Variants in LENG1 observed in about 807,000 individuals in gnomAD.
LENG1 encodes the protein leukocyte receptor cluster member 1.
Under a neutral mutation model 28.8 loss-of-function variants are expected in LENG1, and 35 were observed. The ratio of observed to expected loss-of-function variants is 1.22; its 90% CI spans 0.93 to 1.61. The LOEUF (loss-of-function observed/expected upper bound fraction) is 1.61. LENG1 is among the 40% of genes most tolerant of loss of function. The pLI is 0.00. For synonymous variants in LENG1, 170 were observed against 140.6 expected (o/e 1.21, Z -1.48); for missense variants, 404 against 348.9 (o/e 1.16, Z -1.26).
chr19:54,157,830 T>G lies in LENG1; in HGVS notation c.312+452A>C, dbSNP rs546180532. Among the ~76,000 whole-genome samples, 7 of 152,086 alleles carry G rather than the reference T, an allele frequency of 4.6e-5. No individual in the cohort carries two copies. The South Asian group carries it at 1.5e-3, about 32-fold the overall frequency. ...AGCTTCCACCTCCTGGGTCAAGCGA[T>G]TCTCCTGCTTCAGCCTCCCTGGGAT... On this transcript the variant is annotated intron_variant, in intron 2 of 3. Coordinates refer to ENST00000222224, the MANE Select transcript of LENG1 (RefSeq NM_024316.3).
chr19:54,155,739 G>T lies in LENG1; in HGVS notation c.777C>A (p.Asp259Glu). ...PQLARRPRQQ[D>E]PHLTH ...TCAGGAGTCAGTGAGTAAGGTGAGG[G>T]TCCTGCTGGCGGGGGCGCCGGGCCA... The change falls in exon 4 of 4, where the codon GAC becomes GAA. Residue 259 changes from aspartate (D) to glutamate (E), a missense_variant. Transcript: ENST00000222224. The T allele has an allele frequency of 6.2e-7, 1 of 1,611,358 alleles. No individual in the cohort carries two copies.
Position 54,155,918 on chromosome 19 carries a change from G to T in LENG1, c.598C>A (p.Arg200=), listed in dbSNP as rs770445206. ...PKEPPSLDQL[R]AERLRREAAE... is the part of the protein sequence containing the mutation. ...GCTTCCCTCCGCAGACGTTCAGCTC[G>T]AAGCTGGTCCAGGGATGGAGGCCTG... is the stretch of plus-strand genomic sequence containing the variant. The change falls in exon 4 of 4, where the codon CGA becomes AGA. Residue 200 remains arginine, a synonymous_variant. Coordinates refer to ENST00000222224, the MANE Select transcript of LENG1 (RefSeq NM_024316.3). The T allele has an allele frequency of 2.9e-5, 46 of 1,610,824 alleles. No homozygotes were observed. The highest frequency in any genetic ancestry group is 3.6e-5 in the Non-Finnish European group (42 of 1,179,032).
chr19:54,155,829 A>G lies in LENG1; in HGVS notation c.687T>C (p.Gly229=), dbSNP rs774828454. The G allele has an allele frequency of 1.2e-6, 2 of 1,611,948 alleles. No individual in the cohort carries two copies. The highest frequency in any genetic ancestry group is 1.1e-5 in the South Asian group (1 of 90,814). Residue 229 remains glycine, a synonymous_variant, in exon 4 of 4, where the codon GGT becomes GGC. Coordinates refer to ENST00000222224, the MANE Select transcript of LENG1 (RefSeq NM_024316.3). ...ARVQGRALQE[G]QPEEDETDDR... ...CATCCGTCTCGTCTTCTTCCGGCTG[A>G]CCCTCCTGTAGTGCCCGGCCTTGGA...
In LENG1 at chr19:54,158,439, T is replaced by C. The variant is rs2075437252; in HGVS notation, c.155A>G (p.Lys52Arg). ...QQEARTEFLR[K>R]KARHQNSLPE... ...CAGTGAGTTCTGATGTCTGGCTTTCTTCCGTAGGAATTCTGTACGGGCCTG... is the reference window on the plus strand; with the variant it reads ...CAGTGAGTTCTGATGTCTGGCTTTCCTCCGTAGGAATTCTGTACGGGCCTG... The change falls in exon 2 of 4, where the codon AAG (lysine) becomes AGG (arginine). Residue 52 changes from lysine to arginine, a missense_variant. Lys to Arg is a conservative substitution (Grantham distance 26). Transcript: ENST00000222224. 1.2e-6 allele frequency: 2 copies of C among 1,614,174 alleles called. No homozygotes were observed. The highest frequency in any genetic ancestry group is 1.7e-6 in the Non-Finnish European group (2 of 1,180,006).
chr19:54,155,292 C>A lies in LENG1; in HGVS notation c.*429G>T, dbSNP rs778183066. 2 of 1,612,524 alleles carry A rather than the reference C, an allele frequency of 1.2e-6. No individual in the cohort carries two copies. Reference sequence around the variant, plus strand: ...CACCTCCTCGTCCACTCACTGACCGCCTTCTCCCCCGGCCAGGGCACCTAC... The same window carrying A: ...CACCTCCTCGTCCACTCACTGACCGACTTCTCCCCCGGCCAGGGCACCTAC... On this transcript the variant is annotated 3_prime_UTR_variant, in exon 4 of 4. Coordinates refer to ENST00000222224, the MANE Select transcript of LENG1 (RefSeq NM_024316.3).
intron 2 of LENG1, among the ~76,000 whole-genome samples, chr19:54,157,659 C>T (rs1324785978): frequency 6.7e-6 from 1 of 149,432 alleles, no homozygotes; most frequent in Non-Finnish European, 1.5e-5. Context: ...CGTGAGCCAC[C>T]ATGCACAGCC....
Position 54,158,467 on chromosome 19 carries a change from G to A in LENG1, c.133-6C>T. 6.2e-7 allele frequency: 1 copy of A among 1,612,334 alleles called. No individual in the cohort carries two copies. On this transcript the variant is annotated splice_region_variant and splice_polypyrimidine_tract_variant and intron_variant, in intron 1 of 3. Transcript: ENST00000222224. ...CGTAGGAATTCTGTACGGGCCTGGG[G>A]AGAAAGTTATAGGCAGGACATTCAG...
rs201836403 is a variant in LENG1, at chr19:54,155,412, G to C, written c.*309C>G. The C allele has an allele frequency of 1.9e-6, 3 of 1,578,322 alleles. No individual in the cohort carries two copies. The highest frequency in any genetic ancestry group is 2.6e-6 in the Non-Finnish European group (3 of 1,155,338). ...GAGGACCGGGACCTCCAGTGACACCGGCCCCTCCCTCTACCCACCCCCTTC... is the reference window on the plus strand; with the variant it reads ...GAGGACCGGGACCTCCAGTGACACCCGCCCCTCCCTCTACCCACCCCCTTC... On this transcript the variant is annotated 3_prime_UTR_variant, in exon 4 of 4. Transcript: ENST00000222224.
Position 54,158,338 on chromosome 19 carries a change from C to G in LENG1, c.256G>C (p.Gly86Arg). The change falls in exon 2 of 4, where the codon GGG becomes CGG. Residue 86 changes from glycine (G) to arginine (R), a missense_variant. Coordinates refer to ENST00000222224, the MANE Select transcript of LENG1 (RefSeq NM_024316.3). ...TTATTGCCTCTGATCACTCCTTTCC[C>G]TTCCTCCAGCAGCTCCCGAAACAGG... is the stretch of plus-strand genomic sequence containing the variant. ...VDLFRELLEE[G>R]KGVIRGNKEY... 6.2e-7 allele frequency: 1 copy of G among 1,614,192 alleles called. No homozygotes were observed. The highest frequency in any genetic ancestry group is 8.5e-7 in the Non-Finnish European group (1 of 1,180,028).
At chr19:54,158,222 T>G in intron 2 of LENG1, 60 bp downstream of exon 2, 2 of 1,474,874 alleles carry the variant, frequency 1.4e-6, no homozygotes, top group Non-Finnish European at 1.9e-6. Context: ...ATGGCTAAAG[T>G]GCCCCCTCCC....
chr19:54,156,747 G>A lies in LENG1; in HGVS notation c.575+16C>T. On this transcript the variant is annotated intron_variant, in intron 3 of 3. Coordinates refer to ENST00000222224, the MANE Select transcript of LENG1 (RefSeq NM_024316.3). ...GAAGGTCTGGGCCCTGGTCTGCCGA[G>A]GTGGGGTCTTCTTACTCCTTGGGTC... 1 of 1,600,976 alleles carries A rather than the reference G, an allele frequency of 6.2e-7. No homozygotes were observed.
At position 54,155,698 on chromosome 19, in the gene LENG1, C is replaced by T. The variant is rs983836567; in HGVS notation, c.*23G>A. The T allele has an allele frequency of 6.4e-7, 1 of 1,568,464 alleles. No homozygotes were observed. Among genetic ancestry groups the T allele is most frequent in the Non-Finnish European group, 8.7e-7 (1 of 1,148,534 alleles). On this transcript the variant is annotated 3_prime_UTR_variant, in exon 4 of 4. Transcript: ENST00000222224. The stretch of plus-strand genomic sequence containing the variant: ...TTTATATGACGGCTGGCAGCAGCGG[C>T]CTCTCCTGTACCCCCTCAGGAGTCA...
chr19:54,157,347 C>T (rs59500909), intron 2 of LENG1, among the ~76,000 whole-genome samples: 5,420 of 152,246 alleles, frequency 0.036, 246 homozygotes, highest in African/African-American at 0.1. Context: ...AGTCCAGAGA[C>T]AGCAGATAAA....
chr19:54,158,508 C>A, intron 1 of LENG1, 47 bp from the exon 2 acceptor site: 3 of 1,567,502 alleles, frequency 1.9e-6, no homozygotes, highest in South Asian at 2.3e-5. Context: ...AGAGGTAATT[C>A]AAGAACTGTG....
chr19:54,156,021 C>T (rs1012513297), intron 3 of LENG1, 81 bp from the exon 4 acceptor site: 65 of 1,275,336 alleles, frequency 5.1e-5, no homozygotes, highest in Middle Eastern at 4.2e-4. Context: ...AGGGAGCTGC[C>T]GCCTGGAAGC....
At position 54,155,516 on chromosome 19, in the gene LENG1, C is replaced by A; in HGVS notation, c.*205G>T. The stretch of plus-strand genomic sequence containing the variant: ...GGGAGGCCCCAAGCCACGGGGCATC[C>A]CCCTCTCCCAGGAAGCAGGGAGGGG... On this transcript the variant is annotated 3_prime_UTR_variant, in exon 4 of 4. Coordinates refer to ENST00000222224, the MANE Select transcript of LENG1 (RefSeq NM_024316.3). 1 of 930,246 alleles carries A rather than the reference C, an allele frequency of 1.1e-6. No individual in the cohort carries two copies. Among genetic ancestry groups the A allele is most frequent in the Non-Finnish European group, 1.6e-6 (1 of 625,196 alleles). The allele number at this position is 930,246 out of a possible 1,614,324, so 57.6% of individuals were successfully genotyped here.
rs1419001832 is a variant in LENG1 at position 54,155,172 on chromosome 19, AGT to A, written c.*547_*548del. ...GAAGAACCTTGTGAGGATGGATGAG[AGT>A]GTGTGCGTGCAGGGCAGCTGGCCCG... On this transcript the variant is annotated 3_prime_UTR_variant, in exon 4 of 4. Transcript: ENST00000222224. 5.7e-5 allele frequency: 51 copies of A among 891,540 alleles called. No homozygotes were observed. Among genetic ancestry groups the A allele is most frequent in the Non-Finnish European group, 8.6e-5 (50 of 584,302 alleles). The allele number at this position is 891,540 out of a possible 1,614,324, so 55.2% of individuals were successfully genotyped here.
chr19:54,157,164 C>G (rs1425593454), intron 2 of LENG1, 139 bp from the exon 3 acceptor site: 1 of 609,836 alleles, frequency 1.6e-6, no homozygotes, highest in Non-Finnish European at 2.6e-6. Context: ...GGATGGAAGA[C>G]AAACAGAGGC....
In LENG1 at chr19:54,155,613, G is replaced by C. The variant is rs2075362404; in HGVS notation, c.*108C>G. On this transcript the variant is annotated 3_prime_UTR_variant, in exon 4 of 4. Transcript: ENST00000222224. Reference sequence around the variant, plus strand: ...GGGCTGCCCCCTCCTCCCCTCCCCAGTGAGGGACATTTTTTGGTAAACCTA... The same window carrying C: ...GGGCTGCCCCCTCCTCCCCTCCCCACTGAGGGACATTTTTTGGTAAACCTA... 8.1e-7 allele frequency: 1 copy of C among 1,237,722 alleles called. No homozygotes were observed. The highest frequency in any genetic ancestry group is 1.5e-5 in the African/African-American group (1 of 66,066). 76.7% of individuals were successfully genotyped at this position (1,237,722 alleles called of 1,614,324 possible). A position where few individuals can be genotyped will look rare whatever the true frequency, so the allele number is the denominator to read the frequency against.
Sources: allele counts gnomAD v4.1 joint callset (sites outside exome capture counted in the v4.1 genomes callset), GRCh38; gene constraint gnomAD v4.1.1; transcripts MANE v1.5; gene names NCBI Gene and HGNC (gene_info 2026-07-23, HGNC 2026-07-21).